Variants in BICD1 observed in about 807,000 individuals in gnomAD.
BICD1 encodes protein bicaudal D homolog 1.
Under a neutral mutation model 92.5 loss-of-function variants are expected in BICD1, and 35 were observed. The observed-to-expected ratio is 0.38, with a 90% confidence interval of 0.29 to 0.50. BICD1 has a LOEUF of 0.50. Among genes scored for constraint, BICD1 ranks in the 20% least tolerant of loss-of-function variants. BICD1 has a pLI of 0.93. For synonymous variants in BICD1, 429 were observed against 465.1 expected, an observed-to-expected ratio of 0.92 and a Z score of 1.00; for missense variants, 950 against 1,189.8, an observed-to-expected ratio of 0.80 and a Z score of 2.97.
chr12:32,273,711 C>T (rs1003612399), intron 2 of BICD1, among the ~76,000 whole-genome samples: 3 of 152,172 alleles, frequency 2.0e-5, no homozygotes, highest in African/African-American at 7.2e-5. Flanking sequence ...ATCATTGTTG[C>T]AGAACTTTCT....
At chr12:32,351,116 T>C (rs1006772682) in intron 8 of BICD1, among the ~76,000 whole-genome samples, 1 of 150,300 alleles carries the variant, frequency 6.7e-6, no homozygotes, top group Non-Finnish European at 1.5e-5. Context: ...AATTAGTCAG[T>C]GATGGTTCTC....
Position 32,305,692 on chromosome 12 carries a change from T to C in BICD1, c.580-5T>C. The C allele has an allele frequency of 6.2e-7, 1 of 1,600,630 alleles. No homozygotes were observed. The highest frequency in any genetic ancestry group is 1.1e-5 in the South Asian group (1 of 88,960). ...TATGAATCTTCTTTATCCTGTCTGA[T>C]TCAGGTTGAATACGAAGGCTTAAAG... is the stretch of plus-strand genomic sequence containing the variant. On this transcript the variant is annotated splice_region_variant and splice_polypyrimidine_tract_variant and intron_variant, in intron 3 of 9. Transcript: ENST00000652176.
intron 6 of BICD1, among the ~76,000 whole-genome samples, chr12:32,336,229 G>GA (rs1230170721): frequency 9.2e-5 from 14 of 151,702 alleles, no homozygotes; most frequent in Admixed American, 7.2e-4. Flanking sequence ...AATAAACTCA[G>GA]AAAAAAAACA....
Position 32,295,736 on chromosome 12 carries a change from C to T in BICD1, c.579+1590C>T, listed in dbSNP as rs190303544. Among the ~76,000 whole-genome samples the T allele has an allele frequency of 5.3e-3, 811 of 151,662 alleles. 4 individuals carry two copies. The highest frequency in any genetic ancestry group is 0.018 in the African/African-American group (759 of 41,242). ...TGGCATGATCTCAGCTCACTGCAACCTCCACCTCCTGGTTCAAGCAATTCT... is the reference window on the plus strand; with the variant it reads ...TGGCATGATCTCAGCTCACTGCAACTTCCACCTCCTGGTTCAAGCAATTCT... On this transcript the variant is annotated intron_variant, in intron 3 of 9. Transcript: ENST00000652176.
At chr12:32,205,163 C>A (rs943288587) in intron 1 of BICD1, among the ~76,000 whole-genome samples, 10 of 152,120 alleles carry the variant, frequency 6.6e-5, no homozygotes, top group Admixed American at 3.3e-4. Flanking sequence ...ACAAAAAAGA[C>A]TTGTTAACTT....
intron 2 of BICD1, chr12:32,227,567 A>C (rs10844154): frequency 0.55 from 83,832 of 153,330 alleles, 23,797 homozygotes; most frequent in East Asian, 0.87. Context: ...CAGAGGTTCC[A>C]TGAGCCCAGA....
intron 2 of BICD1, among the ~76,000 whole-genome samples, chr12:32,231,719 C>G (rs1443884786): frequency 6.6e-6 from 1 of 151,446 alleles, no homozygotes; most frequent in Non-Finnish European, 1.5e-5. Context: ...AGGTATATCC[C>G]CCAATGCTAT....
chr12:32,202,301 C>T (rs147283375), intron 1 of BICD1, among the ~76,000 whole-genome samples: 297 of 152,254 alleles, frequency 2.0e-3, no homozygotes, highest in Admixed American at 8.4e-3. Flanking sequence ...CTTCAAGGGG[C>T]CCAGTAGGCA....
At chr12:32,344,321 G>A (rs1300878698) in intron 8 of BICD1, among the ~76,000 whole-genome samples, 1 of 152,184 alleles carries the variant, frequency 6.6e-6, no homozygotes, top group Non-Finnish European at 1.5e-5. Flanking sequence ...CTACAACCTG[G>A]TGCAGGACTT....
At chr12:32,294,222 T>G (rs1048190050) in intron 3 of BICD1, 76 bp downstream of exon 3, 3 of 1,345,414 alleles carry the variant, frequency 2.2e-6, no homozygotes, top group Non-Finnish European at 3.1e-6. Context: ...ATCTCCAAAC[T>G]TGTCAGAATT....
At chr12:32,116,438 C>CTCTGTCTG (rs1171456421) in intron 1 of BICD1, among the ~76,000 whole-genome samples, 2 of 148,374 alleles carry the variant, frequency 1.3e-5, no homozygotes, top group African/African-American at 2.5e-5. Flanking sequence ...ATGTCTCTGT[C>CTCTGTCTG]TCTGTCTGTC....
At chr12:32,174,584 A>T (rs1308134973) in intron 1 of BICD1, among the ~76,000 whole-genome samples, 1 of 152,136 alleles carries the variant, frequency 6.6e-6, no homozygotes, top group Non-Finnish European at 1.5e-5. Flanking sequence ...CAGCATAATC[A>T]AACTATCTTG....
At chr12:32,114,434 T>C (rs1941815340) in intron 1 of BICD1, among the ~76,000 whole-genome samples, 1 of 152,086 alleles carries the variant, frequency 6.6e-6, no homozygotes, top group Non-Finnish European at 1.5e-5. Flanking sequence ...TAGGCTGGAG[T>C]ACAGTGGTGT....
intron 5 of BICD1, among the ~76,000 whole-genome samples, chr12:32,331,066 C>T (rs1188654475): frequency 6.6e-6 from 1 of 151,812 alleles, no homozygotes; most frequent in Non-Finnish European, 1.5e-5. Context: ...CCCCGGGGGG[C>T]GGAGGTTGCG....
At chr12:32,334,739 TTG>T in intron 6 of BICD1, 72 bp downstream of exon 6, 1 of 1,503,690 alleles carries the variant, frequency 6.7e-7, no homozygotes, top group South Asian at 1.3e-5. Context: ...AGCCCTGCCT[TTG>T]TGCATGTTGA....
rs56144247 is a variant in BICD1 at position 32,313,205 on chromosome 12, C to A, written c.1005+7083C>A. Among the ~76,000 whole-genome samples, 13 of 151,726 alleles carry A rather than the reference C, an allele frequency of 8.6e-5. No individual in the cohort carries two copies. The highest frequency in any genetic ancestry group is 3.1e-4 in the African/African-American group (13 of 41,304). ...TCTGTAAAACTAAAATTAATATATTCTGTTGCATCCTCATGGATGTGGAAG... is the reference window on the plus strand; with the variant it reads ...TCTGTAAAACTAAAATTAATATATTATGTTGCATCCTCATGGATGTGGAAG... On this transcript the variant is annotated intron_variant, in intron 4 of 9. Coordinates refer to ENST00000652176, the MANE Select transcript of BICD1 (RefSeq NM_001714.4). This position sits in a 1 kb window ranked among gnomAD's most constrained non-coding sequence, Gnocchi z 4.2.
chr12:32,269,939 T>C (rs1454766513), intron 2 of BICD1, among the ~76,000 whole-genome samples: 1 of 151,772 alleles, frequency 6.6e-6, no homozygotes, highest in African/African-American at 2.4e-5. Context: ...CTGGCCAACG[T>C]AGCAAAACCC....
chr12:32,170,366 A>G (rs1203320571), intron 1 of BICD1, among the ~76,000 whole-genome samples: 1 of 152,216 alleles, frequency 6.6e-6, no homozygotes, highest in East Asian at 1.9e-4. Flanking sequence ...GAGGCAGGAT[A>G]TACATTCAAT....
chr12:32,208,175 T>C (rs1278247071), intron 1 of BICD1, among the ~76,000 whole-genome samples: 2 of 152,226 alleles, frequency 1.3e-5, no homozygotes, highest in African/African-American at 2.4e-5. Flanking sequence ...AACTGAAACA[T>C]AGAACTTAAA....
Sources: allele counts gnomAD v4.1 joint callset (sites outside exome capture counted in the v4.1 genomes callset), GRCh38; gene constraint gnomAD v4.1.1; non-coding constraint Gnocchi (gnomAD v3.1); transcripts MANE v1.5; gene names NCBI Gene and HGNC (gene_info 2026-07-23, HGNC 2026-07-21).